The following TNIK variants were observed in gnomAD, a reference collection of about 807,000 sequenced individuals.
The protein encoded by TNIK is TRAF2 and NCK interacting kinase, also known as TRAF2 and NCK-interacting protein kinase.
Under a neutral mutation model 191.3 loss-of-function variants are expected in TNIK, and 49 were observed. That is an observed-to-expected ratio of 0.26 (90% CI 0.20 to 0.32). TNIK has a LOEUF of 0.32. Among genes scored for constraint, TNIK ranks in the 10% least tolerant of loss-of-function variants. TNIK has a pLI of 1.00. For missense variants in TNIK, 1,155 were observed against 1,702.3 expected (o/e 0.68, Z 5.66); for synonymous variants, 594 against 600.9 (o/e 0.99, Z 0.17).
At chr3:171,323,607 G>A (rs559354809) in intron 2 of TNIK, among the ~76,000 whole-genome samples, 7 of 152,234 alleles carry the variant, frequency 4.6e-5, no homozygotes, top group Admixed American at 1.3e-4. Context: ...ACAATTTCGC[G>A]AACCTATGAA....
intron 2 of TNIK, among the ~76,000 whole-genome samples, chr3:171,268,989 T>C (rs1162450672): frequency 6.6e-6 from 1 of 152,216 alleles, no homozygotes; most frequent in Admixed American, 6.5e-5. Flanking sequence ...TTACCTTCTT[T>C]TGCAGAGTAA....
intron 2 of TNIK, among the ~76,000 whole-genome samples, chr3:171,292,916 C>G (rs917066353): frequency 6.6e-6 from 1 of 151,968 alleles, no homozygotes; most frequent in Non-Finnish European, 1.5e-5. Flanking sequence ...TAGACTCTTT[C>G]TTCTTGCCAC....
At chr3:171,275,553 G>C (rs553363613) in intron 2 of TNIK, among the ~76,000 whole-genome samples, 1 of 152,204 alleles carries the variant, frequency 6.6e-6, no homozygotes, top group South Asian at 2.1e-4. Flanking sequence ...AATCAGAAAA[G>C]ATTCTAATTT....
rs1191906235 is a variant in TNIK, at chr3:171,156,701, G to A, written c.1221+759C>T. On this transcript the variant is annotated intron_variant, in intron 12 of 32. Transcript: ENST00000436636. ...CCCAGGACAAGGCATGCAGCCAACT[G>A]TGGCTAGCAGTATGGCTTCCCACAC... is the stretch of plus-strand genomic sequence containing the variant. 4.6e-5 allele frequency among the ~76,000 whole-genome samples: 7 copies of A among 152,228 alleles called. No homozygotes were observed. The South Asian group carries it at 1.4e-3, about 31-fold the overall frequency.
chr3:171,355,889 C>T (rs1287885450), intron 2 of TNIK, among the ~76,000 whole-genome samples: 1 of 152,110 alleles, frequency 6.6e-6, no homozygotes, highest in Non-Finnish European at 1.5e-5. Flanking sequence ...TCTCCCCACC[C>T]TCAACCCCAA....
intron 2 of TNIK, among the ~76,000 whole-genome samples, chr3:171,255,082 A>G (rs538825235): frequency 1.3e-5 from 2 of 152,328 alleles, no homozygotes; most frequent in East Asian, 3.9e-4. Flanking sequence ...CTCTTCCTCT[A>G]ATTTTGGTTC....
chr3:171,313,472 T>C (rs1754277008), intron 2 of TNIK, among the ~76,000 whole-genome samples: 1 of 152,152 alleles, frequency 6.6e-6, no homozygotes, highest in Admixed American at 6.5e-5. Context: ...TTTCCTATCA[T>C]TTGTAGGTAG....
chr3:171,278,026 T>C (rs1441506917), intron 2 of TNIK, among the ~76,000 whole-genome samples: 2 of 152,188 alleles, frequency 1.3e-5, no homozygotes, highest in African/African-American at 4.8e-5. Context: ...AGTCCCTGTC[T>C]CAAACAAACA....
intron 9 of TNIK, among the ~76,000 whole-genome samples, chr3:171,168,957 G>A (rs568776279): frequency 2.6e-5 from 4 of 152,250 alleles, no homozygotes; most frequent in East Asian, 3.9e-4. Flanking sequence ...TTTGGAGAGC[G>A]GATATTCTTC....
chr3:171,407,048 A>C (rs1488495616), intron 1 of TNIK, among the ~76,000 whole-genome samples: 1 of 152,206 alleles, frequency 6.6e-6, no homozygotes. Context: ...CCCCTCCAGC[A>C]GTAATCAGGG....
chr3:171,338,655 AGTT>A (rs1317415386), intron 2 of TNIK, among the ~76,000 whole-genome samples: 1 of 142,094 alleles, frequency 7.0e-6, no homozygotes, highest in African/African-American at 2.6e-5. Context: ...TGCTCAGCTA[AGTT>A]GTTTTTTTTT....
intron 2 of TNIK, among the ~76,000 whole-genome samples, chr3:171,230,475 C>T (rs922000506): frequency 6.6e-6 from 1 of 152,190 alleles, no homozygotes; most frequent in Non-Finnish European, 1.5e-5. Flanking sequence ...AGACAAACCA[C>T]TGGGCACGGC....
chr3:171,448,235 TCA>T (rs1438044339), intron 1 of TNIK, among the ~76,000 whole-genome samples: 1 of 152,152 alleles, frequency 6.6e-6, no homozygotes, highest in East Asian at 1.9e-4. Flanking sequence ...TTAGTATGTT[TCA>T]CAGAGTTGTA....
chr3:171,247,481 G>A (rs1472877764), intron 2 of TNIK, among the ~76,000 whole-genome samples: 1 of 152,146 alleles, frequency 6.6e-6, no homozygotes, highest in East Asian at 1.9e-4. Flanking sequence ...GAAGACTCGG[G>A]AAAACATGAA....
intron 2 of TNIK, among the ~76,000 whole-genome samples, chr3:171,342,315 A>T (rs1236753075): frequency 6.6e-6 from 1 of 152,240 alleles, no homozygotes; most frequent in East Asian, 1.9e-4. Flanking sequence ...TCCCAGGAAC[A>T]TATTTTGAGA....
intron 1 of TNIK, 87 bp from the exon 2 acceptor site, chr3:171,369,772 C>A: frequency 1.8e-6 from 2 of 1,092,094 alleles, no homozygotes; most frequent in Non-Finnish European, 2.6e-6. Flanking sequence ...TTAAATTAAG[C>A]AAATAAATAA....
intron 2 of TNIK, among the ~76,000 whole-genome samples, chr3:171,235,739 G>A (rs1744183474): frequency 6.8e-6 from 1 of 147,566 alleles, no homozygotes; most frequent in South Asian, 2.2e-4. Context: ...TTTTGTTGTT[G>A]TTGTTGTTTT....
chr3:171,086,712 T>C (rs1875094), intron 24 of TNIK, among the ~76,000 whole-genome samples: 152,337 of 152,350 alleles, frequency 1, 76,162 homozygotes, highest in Middle Eastern at 1. Context: ...GAAACAAGAC[T>C]ACACACTGTG....
At chr3:171,097,208 T>C (rs892344282) in intron 22 of TNIK, among the ~76,000 whole-genome samples, 7 of 152,288 alleles carry the variant, frequency 4.6e-5, no homozygotes, top group Non-Finnish European at 8.8e-5. Context: ...ATATTACAAA[T>C]GTATGAACAA....
Sources: allele counts gnomAD v4.1 joint callset (sites outside exome capture counted in the v4.1 genomes callset), GRCh38; gene constraint gnomAD v4.1.1; transcripts MANE v1.5; gene names NCBI Gene and HGNC (gene_info 2026-07-23, HGNC 2026-07-21).